The following C19orf67 variants were observed in gnomAD, a reference collection of about 807,000 sequenced individuals.
C19orf67 encodes the protein chromosome 19 open reading frame 67.
A neutral mutation model predicts 41.4 loss-of-function variants in C19orf67; 28 were observed. The observed-to-expected ratio is 0.68, with a 90% confidence interval of 0.50 to 0.93. The LOEUF is 0.93. Among genes scored for constraint, C19orf67 ranks in the 40% least tolerant of loss-of-function variants. The probability of loss-of-function intolerance (pLI) is 0.00; values close to 1 mark genes in which losing one functional copy is unlikely to be tolerated. For missense variants in C19orf67, 421 were observed against 467.0 expected (o/e 0.90, Z 0.91); for synonymous variants, 242 against 203.4 (o/e 1.19, Z -1.62).
intron 1 of C19orf67, among the ~76,000 whole-genome samples, chr19:14,084,115 G>A (rs1976815639): frequency 6.6e-6 from 1 of 151,998 alleles, no homozygotes; most frequent in Admixed American, 6.6e-5. Context: ...CTTCCTGCAG[G>A]GTCTGGGCGC....
intron 2 of C19orf67, 29 bp downstream of exon 2, chr19:14,083,704 G>C (rs1213367971): frequency 1.3e-6 from 2 of 1,489,640 alleles, no homozygotes; most frequent in East Asian, 5.0e-5. Context: ...AGAAGAAAGG[G>C]GCGTGGGGTC....
In C19orf67 at chr19:14,083,716, A is replaced by G; in HGVS notation, c.480+17T>C. 1 of 1,474,112 alleles carries G rather than the reference A, an allele frequency of 6.8e-7. No individual in the cohort carries two copies. The highest frequency in any genetic ancestry group is 9.0e-7 in the Non-Finnish European group (1 of 1,112,514). 91.3% of individuals were successfully genotyped at this position (1,474,112 alleles called of 1,614,324 possible). On this transcript the variant is annotated intron_variant, in intron 2 of 5. Coordinates refer to ENST00000548523, the MANE Select transcript of C19orf67 (RefSeq NM_001277378.2). ...GCGAGAAGAAAGGGGCGTGGGGTCT[A>G]AGAAACCTCCACACACCCCCTTTCG... is the stretch of plus-strand genomic sequence containing the variant.
At chr19:14,084,349 C>T (rs1258999526) in intron 1 of C19orf67, among the ~76,000 whole-genome samples, 1 of 151,672 alleles carries the variant, frequency 6.6e-6, no homozygotes, top group Admixed American at 6.6e-5. Context: ...ATGACTGCCC[C>T]ACTGCACTCC....
Position 14,081,767 on chromosome 19 carries a change from C to T in C19orf67, c.*67G>A. 1.5e-6 allele frequency: 2 copies of T among 1,306,784 alleles called. No individual in the cohort carries two copies. The highest frequency in any genetic ancestry group is 2.0e-6 in the Non-Finnish European group (2 of 988,796). 80.9% of individuals were successfully genotyped at this position (1,306,784 alleles called of 1,614,324 possible). ...GGCTGCACTGCGAGAACGAGTGAGC[C>T]CCTCCCCTGCCCCCTATTCTGGAGT... On this transcript the variant is annotated 3_prime_UTR_variant, in exon 6 of 6. Coordinates refer to ENST00000548523, the MANE Select transcript of C19orf67 (RefSeq NM_001277378.2).
intron 1 of C19orf67, among the ~76,000 whole-genome samples, chr19:14,084,806 C>T (rs763217491): frequency 2.7e-4 from 41 of 152,220 alleles, no homozygotes; most frequent in Admixed American, 1.0e-3. Flanking sequence ...CACTGCACTC[C>T]AGCCTGGGCG....
At chr19:14,083,473 C>T in intron 3 of C19orf67, 32 bp downstream of exon 3, 1 of 1,533,262 alleles carries the variant, frequency 6.5e-7, no homozygotes, top group Non-Finnish European at 8.7e-7. Flanking sequence ...TGGACTCCTT[C>T]ATCCCCCCAT....
At position 14,082,015 on chromosome 19, in the gene C19orf67, T is replaced by TG. The variant is rs760921196; in HGVS notation, c.903-8dup. The TG allele has an allele frequency of 1.1e-4, 118 of 1,089,240 alleles. No homozygotes were observed. Among genetic ancestry groups the TG allele is most frequent in the Admixed American group, 6.8e-4 (30 of 43,970 alleles). The allele number at this position is 1,089,240 out of a possible 1,614,324, so 67.5% of individuals were successfully genotyped here. On this transcript the variant is annotated splice_polypyrimidine_tract_variant and splice_region_variant and intron_variant, in intron 5 of 5. Transcript: ENST00000548523. Reference sequence around the variant, plus strand: ...CGGCTGCGGGCACAAAATCCTGGGGTGGGGGGGCCAGGGATAGACAGGCCT... The same window carrying TG: ...CGGCTGCGGGCACAAAATCCTGGGGTGGGGGGGGCCAGGGATAGACAGGCCT...
chr19:14,082,360 C>T lies in C19orf67; in HGVS notation c.902+109G>A, dbSNP rs1976781233. 2.0e-5 allele frequency: 25 copies of T among 1,246,546 alleles called. No individual in the cohort carries two copies. The South Asian group carries it at 3.6e-4, about 18-fold the overall frequency. 77.2% of individuals were successfully genotyped at this position (1,246,546 alleles called of 1,614,324 possible). ...GTGCTTTTCAGGGCACAATAAAATGCTATCACTACTAAGGGAAGCAAAGTG... is the reference window on the plus strand; with the variant it reads ...GTGCTTTTCAGGGCACAATAAAATGTTATCACTACTAAGGGAAGCAAAGTG... On this transcript the variant is annotated intron_variant, in intron 5 of 5. Transcript: ENST00000548523.
chr19:14,083,622 GGTACAGT>G lies in C19orf67; in HGVS notation c.481-24_481-18del. Reference sequence around the variant, plus strand: ...CTCTAACAGCTGCATACAAGAGGGGGGTACAGTGAGATCAGCTGGCCTGCGAGGAGTG... The same window carrying G: ...CTCTAACAGCTGCATACAAGAGGGGGGAGATCAGCTGGCCTGCGAGGAGTG... On this transcript the variant is annotated intron_variant, in intron 2 of 5. Coordinates refer to ENST00000548523, the MANE Select transcript of C19orf67 (RefSeq NM_001277378.2). 1 of 1,534,756 alleles carries G rather than the reference GGTACAGT, an allele frequency of 6.5e-7. No homozygotes were observed. Among genetic ancestry groups the G allele is most frequent in the Non-Finnish European group, 8.7e-7 (1 of 1,145,832 alleles).
chr19:14,082,312 G>T (rs1489520229), intron 5 of C19orf67, among the ~76,000 whole-genome samples, 157 bp downstream of exon 5: 3 of 152,170 alleles, frequency 2.0e-5, no homozygotes, highest in Non-Finnish European at 4.4e-5. Context: ...ATCTCCATGG[G>T]TTGTTACTGG....
In C19orf67 at chr19:14,082,022, G is replaced by A. The variant is rs1220696511; in HGVS notation, c.903-14C>T. On this transcript the variant is annotated splice_polypyrimidine_tract_variant and intron_variant, in intron 5 of 5. Coordinates refer to ENST00000548523, the MANE Select transcript of C19orf67 (RefSeq NM_001277378.2). The stretch of plus-strand genomic sequence containing the variant: ...GGGCACAAAATCCTGGGGTGGGGGG[G>A]CCAGGGATAGACAGGCCTGGACTTG... The A allele has an allele frequency of 2.6e-5, 34 of 1,310,532 alleles. 1 individual carries two copies. Among genetic ancestry groups the A allele is most frequent in the East Asian group, 5.3e-5 (2 of 37,706 alleles). 81.2% of individuals were successfully genotyped at this position (1,310,532 alleles called of 1,614,324 possible). A position where few individuals can be genotyped will look rare whatever the true frequency, so the allele number is the denominator to read the frequency against.
Position 14,085,702 on chromosome 19 carries a change from G to T in C19orf67, c.-75C>A. 9.0e-7 allele frequency: 1 copy of T among 1,106,844 alleles called. No homozygotes were observed. Among genetic ancestry groups the T allele is most frequent in the Non-Finnish European group, 1.3e-6 (1 of 771,132 alleles). 68.6% of individuals were successfully genotyped at this position (1,106,844 alleles called of 1,614,324 possible). On this transcript the variant is annotated 5_prime_UTR_variant, in exon 1 of 6. Coordinates refer to ENST00000548523, the MANE Select transcript of C19orf67 (RefSeq NM_001277378.2). ...TCAGGTTGGCCGCGGGTTCGACCCC[G>T]CCCCGGGAGCCTCCGACTGGCCCCT...
At position 14,085,372 on chromosome 19, in the gene C19orf67, T is replaced by A; in HGVS notation, c.256A>T (p.Thr86Ser). ...TGTTGGGTGATGGGGCTGAACAAAG[T>A]GTCCAGGGATAGGCGGGGAGGTGCT... The part of the protein sequence containing the change: ...GPAPPRLSLD[T>S]LFSPITQQLR... Residue 86 changes from threonine (T) to serine (S), a missense_variant, in exon 1 of 6, where the codon ACT becomes TCT. Physicochemically the swap from Thr to Ser is moderately conservative, Grantham distance 58 (BLOSUM62 1). Coordinates refer to ENST00000548523, the MANE Select transcript of C19orf67 (RefSeq NM_001277378.2). 1 of 1,536,172 alleles carries A rather than the reference T, an allele frequency of 6.5e-7. No individual in the cohort carries two copies. Among genetic ancestry groups the A allele is most frequent in the Non-Finnish European group, 8.7e-7 (1 of 1,146,906 alleles).
At chr19:14,083,167 A>G in intron 4 of C19orf67, 70 bp downstream of exon 4, 1 of 1,356,032 alleles carries the variant, frequency 7.4e-7, no homozygotes, top group Non-Finnish European at 1.0e-6. Context: ...TTTGCTGGTG[A>G]CGGTTTGGAG....
Position 14,083,895 on chromosome 19 carries a change from C to A in C19orf67, c.336-18G>T. On this transcript the variant is annotated intron_variant, in intron 1 of 5. Coordinates refer to ENST00000548523, the MANE Select transcript of C19orf67 (RefSeq NM_001277378.2). ...GGTCTCTGCTGAAGGAAGAAGGGGG[C>A]CTTTGCCTGGAATCCCTCACAACCC... 1 of 1,301,976 alleles carries A rather than the reference C, an allele frequency of 7.7e-7. No individual in the cohort carries two copies. Among genetic ancestry groups the A allele is most frequent in the Non-Finnish European group, 9.8e-7 (1 of 1,024,472 alleles). The allele number at this position is 1,301,976 out of a possible 1,614,324, so 80.7% of individuals were successfully genotyped here.
chr19:14,084,711 G>A (rs772040567), intron 1 of C19orf67, among the ~76,000 whole-genome samples: 5 of 151,326 alleles, frequency 3.3e-5, no homozygotes, highest in Admixed American at 6.6e-5. Context: ...GTTGGTGGGC[G>A]CCTGTAATCC....
chr19:14,083,470 C>T (rs1754738268), intron 3 of C19orf67, 35 bp downstream of exon 3: 4 of 1,533,120 alleles, frequency 2.6e-6, no homozygotes, highest in Admixed American at 2.0e-5. Context: ...CCTTGGACTC[C>T]TTCATCCCCC....
chr19:14,081,795 G>A lies in C19orf67; in HGVS notation c.*39C>T, dbSNP rs556611681. 90 of 1,438,594 alleles carry A rather than the reference G, an allele frequency of 6.3e-5. No individual in the cohort carries two copies. In the African/African-American group the frequency reaches 1.1e-3, roughly 18 times the overall value. 89.1% of individuals were successfully genotyped at this position (1,438,594 alleles called of 1,614,324 possible). A position where few individuals can be genotyped will look rare whatever the true frequency, so the allele number is the denominator to read the frequency against. ...TCCCCTGCCCCCTATTCTGGAGTTT[G>A]GAACTGTCAAGTTCCAGCTCCTACC... On this transcript the variant is annotated 3_prime_UTR_variant, in exon 6 of 6. Transcript: ENST00000548523.
At position 14,081,626 on chromosome 19, in the gene C19orf67, C is replaced by T. The variant is rs1976767576; in HGVS notation, c.*208G>A. On this transcript the variant is annotated 3_prime_UTR_variant, in exon 6 of 6. Coordinates refer to ENST00000548523, the MANE Select transcript of C19orf67 (RefSeq NM_001277378.2). ...TCGCAGCGGACGCTGAGCCTGTGAC[C>T]TCTTTCTTTCTTTTATTTAACACAA... is the stretch of plus-strand genomic sequence containing the variant. 2.4e-6 allele frequency: 1 copy of T among 417,186 alleles called. No homozygotes were observed. Among genetic ancestry groups the T allele is most frequent in the Non-Finnish European group, 4.2e-6 (1 of 237,034 alleles). 25.8% of individuals were successfully genotyped at this position (417,186 alleles called of 1,614,324 possible).
Sources: gnomAD v4.1 joint callset for allele counts (sites outside exome capture counted in the v4.1 genomes callset) on GRCh38, gnomAD v4.1.1 for gene constraint, MANE v1.5 for transcripts, NCBI Gene and HGNC (gene_info 2026-07-23, HGNC 2026-07-21) for gene names.